Variants in ABCC4 observed in about 807,000 individuals in gnomAD.
The protein encoded by ABCC4 is ATP-binding cassette sub-family C member 4.
ABCC4 carries 102 observed loss-of-function variants against 168.5 expected under a neutral mutation model. That is an observed-to-expected ratio of 0.61 (90% CI 0.52 to 0.71). ABCC4 has a LOEUF of 0.71. ABCC4 is among the 30% of genes least tolerant of loss of function. The pLI, the probability that ABCC4 is intolerant of heterozygous loss-of-function variation, is 0.00. For synonymous variants in ABCC4, 617 were observed against 590.7 expected, an observed-to-expected ratio of 1.04 and a Z score of -0.65; for missense variants, 1,402 against 1,605.8, an observed-to-expected ratio of 0.87 and a Z score of 2.17.
At chr13:95,280,059 G>A (rs2041077084) in intron 1 of ABCC4, among the ~76,000 whole-genome samples, 1 of 152,142 alleles carries the variant, frequency 6.6e-6, no homozygotes, top group Non-Finnish European at 1.5e-5. Flanking sequence ...CTGCGACTCT[G>A]GGTGAGTTTC....
intron 13 of ABCC4, among the ~76,000 whole-genome samples, chr13:95,172,063 T>C (rs922801055): frequency 6.6e-6 from 1 of 152,230 alleles, no homozygotes; most frequent in African/African-American, 2.4e-5. Context: ...GGTTTCAAAA[T>C]GTTTTCTTCC....
intron 20 of ABCC4, among the ~76,000 whole-genome samples, chr13:95,104,829 G>A (rs1195709081): frequency 1.3e-5 from 2 of 152,180 alleles, no homozygotes; most frequent in African/African-American, 4.8e-5. Context: ...CAGGTGGAGT[G>A]GAGGGTGCTG....
chr13:95,083,618 C>T lies in ABCC4; in HGVS notation c.2536-328G>A, dbSNP rs188555580. 2.9e-3 allele frequency among the ~76,000 whole-genome samples: 441 copies of T among 151,902 alleles called. 5 individuals carry two copies. The highest frequency in any genetic ancestry group is 0.01 in the African/African-American group (415 of 41,370). On this transcript the variant is annotated intron_variant, in intron 20 of 30. Coordinates refer to ENST00000645237, the MANE Select transcript of ABCC4 (RefSeq NM_005845.5). The stretch of plus-strand genomic sequence containing the variant: ...CTCCTCTCACTGCAGCCTCCCACTC[C>T]CGTGTTCAAGTGATTCTCCTGCCTC...
intron 1 of ABCC4, among the ~76,000 whole-genome samples, chr13:95,263,597 T>C (rs1251644822): frequency 6.6e-6 from 1 of 152,032 alleles, no homozygotes; most frequent in Non-Finnish European, 1.5e-5. Flanking sequence ...CCAAGGTGGG[T>C]GAATCACCTG....
At chr13:95,287,027 G>A (rs1465413329) in intron 1 of ABCC4, among the ~76,000 whole-genome samples, 1 of 151,620 alleles carries the variant, frequency 6.6e-6, no homozygotes, top group African/African-American at 2.4e-5. Context: ...GACCGGGCAC[G>A]ATGGCTCACG....
chr13:95,286,559 G>A (rs114141587), intron 1 of ABCC4, among the ~76,000 whole-genome samples: 2,520 of 151,848 alleles, frequency 0.017, 64 homozygotes, highest in African/African-American at 0.057. Context: ...ATTTCTGGGG[G>A]GACTTACAAA....
intron 15 of ABCC4, among the ~76,000 whole-genome samples, chr13:95,165,910 C>T (rs1268237204): frequency 6.6e-6 from 1 of 152,146 alleles, no homozygotes; most frequent in Non-Finnish European, 1.5e-5. Flanking sequence ...CAGCTTAGGA[C>T]TTGCACCAGC....
At chr13:95,271,292 C>T (rs968988029) in intron 1 of ABCC4, among the ~76,000 whole-genome samples, 3 of 152,132 alleles carry the variant, frequency 2.0e-5, no homozygotes, top group African/African-American at 7.2e-5. Context: ...GTGATAGGGG[C>T]TGGCTGGGCT....
chr13:95,092,483 T>A (rs2034466795), intron 20 of ABCC4, among the ~76,000 whole-genome samples: 1 of 152,048 alleles, frequency 6.6e-6, no homozygotes. Flanking sequence ...GAGCATTGGG[T>A]CAAAAATGAA....
intron 1 of ABCC4, among the ~76,000 whole-genome samples, chr13:95,264,358 T>G (rs569615267): frequency 6.6e-6 from 1 of 152,306 alleles, no homozygotes; most frequent in South Asian, 2.1e-4. Context: ...GATATTTTCA[T>G]AGCCTCCAAT....
chr13:95,076,237 G>T (rs7330250), intron 21 of ABCC4, among the ~76,000 whole-genome samples: 11 of 152,290 alleles, frequency 7.2e-5, no homozygotes, highest in African/African-American at 2.6e-4. Context: ...GTCTCTGAAT[G>T]GTCTTAACAT....
In ABCC4 at chr13:95,234,817, G is replaced by T. The variant is rs754698187; in HGVS notation, c.324C>A (p.Ile108=). 2.4e-5 allele frequency: 38 copies of T among 1,559,838 alleles called. No homozygotes were observed. The highest frequency in any genetic ancestry group is 8.7e-7 in the Non-Finnish European group (1 of 1,150,562). The change falls in exon 4 of 31, where the codon ATC becomes ATA. Residue 108 remains isoleucine, a synonymous_variant. Transcript: ENST00000645237. ...TAATTTTTCCCAAAAATATGGGCTG[G>T]ATTACTTTGGCACTTTCCTAAAAGA... ...FTLIEESAKV[I]QPIFLGKIIN...
At chr13:95,253,005 C>A (rs1051001010) in intron 1 of ABCC4, among the ~76,000 whole-genome samples, 5 of 152,224 alleles carry the variant, frequency 3.3e-5, no homozygotes, top group Non-Finnish European at 7.3e-5. Context: ...AGACTCTGAA[C>A]TTCTAATCTT....
chr13:95,199,009 G>A (rs903800712), intron 8 of ABCC4, among the ~76,000 whole-genome samples: 3 of 152,134 alleles, frequency 2.0e-5, no homozygotes, highest in Admixed American at 1.3e-4. Flanking sequence ...CTGAATGCAT[G>A]TGGGGCTTAA....
chr13:95,157,088 C>CAACACA (rs2036886994), intron 19 of ABCC4, among the ~76,000 whole-genome samples: 1 of 134,618 alleles, frequency 7.4e-6, no homozygotes, highest in African/African-American at 3.0e-5. Flanking sequence ...TGAGACTCTA[C>CAACACA]CACACACACA....
chr13:95,026,954 A>G (rs972607863), intron 30 of ABCC4, among the ~76,000 whole-genome samples: 5 of 152,170 alleles, frequency 3.3e-5, no homozygotes, highest in African/African-American at 1.2e-4. Context: ...ATGGTCATAG[A>G]TGTCTCCATA....
intron 3 of ABCC4, among the ~76,000 whole-genome samples, chr13:95,239,947 C>A (rs1328432224): frequency 6.6e-6 from 1 of 152,188 alleles, no homozygotes; most frequent in Non-Finnish European, 1.5e-5. Flanking sequence ...AAGCAATGAT[C>A]ATGAATGGCT....
chr13:95,027,865 C>T (rs1321506269), intron 30 of ABCC4, among the ~76,000 whole-genome samples: 1 of 152,064 alleles, frequency 6.6e-6, no homozygotes, highest in Non-Finnish European at 1.5e-5. Flanking sequence ...TGTAAATGTA[C>T]TAAAATCATC....
chr13:95,166,005 G>A (rs546169620), intron 15 of ABCC4, among the ~76,000 whole-genome samples, 153 bp downstream of exon 15: 34 of 152,252 alleles, frequency 2.2e-4, no homozygotes, highest in African/African-American at 6.3e-4. Context: ...CCTTGGTTCC[G>A]TTTTAATCTA....
Sources: allele counts gnomAD v4.1 joint callset (sites outside exome capture counted in the v4.1 genomes callset), GRCh38; gene constraint gnomAD v4.1.1; transcripts MANE v1.5; gene names NCBI Gene and HGNC (gene_info 2026-07-23, HGNC 2026-07-21).